SLAIN1: variants seen among roughly 807,000 people sequenced by gnomAD.
The protein encoded by SLAIN1 is SLAIN motif-containing protein 1.
A neutral mutation model predicts 55.4 loss-of-function variants in SLAIN1; 17 were observed. The ratio of observed to expected loss-of-function variants is 0.31; its 90% CI spans 0.21 to 0.46. The LOEUF (loss-of-function observed/expected upper bound fraction) is 0.46. SLAIN1 is among the 20% of genes least tolerant of loss of function. The probability of loss-of-function intolerance (pLI) is 1.00; values close to 1 mark genes in which losing one functional copy is unlikely to be tolerated. For missense variants in SLAIN1, 682 were observed against 785.1 expected (o/e 0.87, Z 1.57); for synonymous variants, 348 against 337.4 (o/e 1.03, Z -0.35).
rs1216097807 is a variant in SLAIN1 at position 77,746,633 on chromosome 13, G to C, written c.1036G>C (p.Glu346Gln). 1 of 1,613,616 alleles carries C rather than the reference G, an allele frequency of 6.2e-7. No homozygotes were observed. The highest frequency in any genetic ancestry group is 8.5e-7 in the Non-Finnish European group (1 of 1,179,780). Residue 346 changes from glutamate to glutamine, a missense_variant, in exon 4 of 7, where the codon GAG becomes CAG. Glu to Gln is a conservative substitution (Grantham distance 29). Around this residue, in one of 3 missense-constraint regions of SLAIN1, gnomAD observed 37 missense variants for 72.6 expected, o/e 0.51. Transcript: ENST00000418532. ...SDQEYDQYSL[E>Q]DEEEFDHLPP... ...TCAAGAATATGACCAATACAGTCTG[G>C]AGGATGAAGAGGAATTTGATCATTT... is the stretch of plus-strand genomic sequence containing the variant.
intron 2 of SLAIN1, among the ~76,000 whole-genome samples, chr13:77,728,263 T>C (rs1213898928): frequency 1.3e-5 from 2 of 152,306 alleles, no homozygotes; most frequent in East Asian, 1.9e-4. Flanking sequence ...ATAAGGCTAA[T>C]CTAGGGTCTT....
At position 77,761,136 on chromosome 13, in the gene SLAIN1, C is replaced by T. The variant is rs369936147; in HGVS notation, c.1697+26C>T. The T allele has an allele frequency of 2.5e-6, 4 of 1,609,274 alleles. No homozygotes were observed. In the African/African-American group the frequency reaches 4.0e-5, roughly 16 times the overall value. ...GTAAGAATGTGTATTTGCGTAACTT[C>T]ATTTGCAGTTTGGAACTAGAAACTG... On this transcript the variant is annotated intron_variant, in intron 6 of 6. Transcript: ENST00000418532.
At chr13:77,709,572 A>G (rs1298696953) in intron 1 of SLAIN1, among the ~76,000 whole-genome samples, 2 of 152,220 alleles carry the variant, frequency 1.3e-5, no homozygotes, top group African/African-American at 2.4e-5. Flanking sequence ...GAAACCCTAC[A>G]AGCCAGAAGA....
chr13:77,723,600 T>G (rs1291155899), intron 2 of SLAIN1, among the ~76,000 whole-genome samples: 2 of 152,200 alleles, frequency 1.3e-5, no homozygotes, highest in Admixed American at 1.3e-4. Flanking sequence ...CATTATATTT[T>G]AGCTTCGGGG....
At chr13:77,739,337 A>G (rs897288201) in intron 2 of SLAIN1, among the ~76,000 whole-genome samples, 3 of 152,094 alleles carry the variant, frequency 2.0e-5, no homozygotes, top group Non-Finnish European at 2.9e-5. Flanking sequence ...ATAAGGAAAT[A>G]TTAGTCAACT....
intron 1 of SLAIN1, among the ~76,000 whole-genome samples, chr13:77,700,769 TG>T (rs2091022607): frequency 6.6e-6 from 1 of 152,158 alleles, no homozygotes; most frequent in South Asian, 2.1e-4. Context: ...TTATTTCCTG[TG>T]TTTATTAAGA....
intron 1 of SLAIN1, among the ~76,000 whole-genome samples, chr13:77,716,689 A>G (rs1052604459): frequency 6.6e-6 from 1 of 152,128 alleles, no homozygotes; most frequent in African/African-American, 2.4e-5. Flanking sequence ...GTTAATATAT[A>G]TAAGTATACA....
chr13:77,753,529 G>A (rs955581328), intron 5 of SLAIN1, among the ~76,000 whole-genome samples, 171 bp downstream of exon 5: 9 of 151,908 alleles, frequency 5.9e-5, no homozygotes, highest in Admixed American at 3.9e-4. Context: ...GAGTTGAATA[G>A]TATTTTTACT....
chr13:77,761,225 G>C, intron 6 of SLAIN1, 115 bp downstream of exon 6: 1 of 994,962 alleles, frequency 1.0e-6, no homozygotes, highest in Non-Finnish European at 1.5e-6. Flanking sequence ...TACCCTTTAT[G>C]GCCTGACTTG....
chr13:77,702,853 C>G (rs1242096599), intron 1 of SLAIN1, among the ~76,000 whole-genome samples: 2 of 152,104 alleles, frequency 1.3e-5, no homozygotes, highest in Non-Finnish European at 2.9e-5. Flanking sequence ...TAATACAATG[C>G]TTGCTTTGAT....
At chr13:77,761,486 G>T (rs749537896) in intron 6 of SLAIN1, among the ~76,000 whole-genome samples, 33 of 152,174 alleles carry the variant, frequency 2.2e-4, no homozygotes, top group Middle Eastern at 3.2e-3. Flanking sequence ...TGTAGGGCGG[G>T]GGGAGGTTGA....
At chr13:77,744,598 ATGAGG>A in intron 3 of SLAIN1, 166 bp downstream of exon 3, 1 of 1,009,306 alleles carries the variant, frequency 9.9e-7, no homozygotes, top group Non-Finnish European at 1.5e-6. Context: ...TCACACTATC[ATGAGG>A]TGGTAGGACT....
Position 77,758,976 on chromosome 13 carries a change from A to C in SLAIN1, c.1415-1852A>C, listed in dbSNP as rs145486969. Among the ~76,000 whole-genome samples, 558 of 152,148 alleles carry C rather than the reference A, an allele frequency of 3.7e-3. 5 individuals are homozygous for C. Among genetic ancestry groups the C allele is most frequent in the African/African-American group, 0.013 (535 of 41,546 alleles). The stretch of plus-strand genomic sequence containing the variant: ...GTTTTTTCTAGTTCTGTGAAGAATG[A>C]TGATGGTATTTTGATAGAATTGCAT... On this transcript the variant is annotated intron_variant, in intron 5 of 6. Transcript: ENST00000418532.
intron 1 of SLAIN1, among the ~76,000 whole-genome samples, chr13:77,708,662 CAG>C (rs760591281): frequency 3.7e-4 from 57 of 152,144 alleles, no homozygotes; most frequent in Non-Finnish European, 1.0e-4. Context: ...AGACCTGCAG[CAG>C]AGGAGTCTGA....
intron 1 of SLAIN1, among the ~76,000 whole-genome samples, chr13:77,703,681 G>A (rs1423349687): frequency 1.3e-5 from 2 of 151,900 alleles, no homozygotes; most frequent in Middle Eastern, 3.2e-3. Context: ...TTGGAACTAA[G>A]TATTGTAGTG....
intron 4 of SLAIN1, among the ~76,000 whole-genome samples, chr13:77,748,912 A>G (rs1276961701): frequency 6.6e-6 from 1 of 152,160 alleles, no homozygotes; most frequent in Non-Finnish European, 1.5e-5. Flanking sequence ...CATTTTCTCC[A>G]CCTAAATATA....
At chr13:77,705,085 C>G (rs996511947) in intron 1 of SLAIN1, among the ~76,000 whole-genome samples, 2 of 151,068 alleles carry the variant, frequency 1.3e-5, no homozygotes, top group African/African-American at 4.9e-5. Context: ...AAAATATATA[C>G]TTGTGTGTAT....
At chr13:77,744,547 C>A (rs756732426) in intron 3 of SLAIN1, 115 bp downstream of exon 3, 26 of 1,528,958 alleles carry the variant, frequency 1.7e-5, no homozygotes, top group Non-Finnish European at 2.2e-5. Context: ...TTCTTTCTCT[C>A]ATACTGTCCT....
At chr13:77,709,358 C>A (rs1227320343) in intron 1 of SLAIN1, among the ~76,000 whole-genome samples, 1 of 152,104 alleles carries the variant, frequency 6.6e-6, no homozygotes, top group East Asian at 1.9e-4. Flanking sequence ...TCCAGGAGAC[C>A]TTTCCCAACC....
Sources: gnomAD v4.1 joint callset for allele counts (sites outside exome capture counted in the v4.1 genomes callset) on GRCh38, gnomAD v4.1.1 for gene constraint, gnomAD v4.1.1 regional missense constraint, MANE v1.5 for transcripts, NCBI Gene and HGNC (gene_info 2026-07-23, HGNC 2026-07-21) for gene names.